The following KCTD17 variants were observed in gnomAD, a reference collection of about 807,000 sequenced individuals.
KCTD17 encodes BTB/POZ domain-containing protein KCTD17.
A neutral mutation model predicts 41.5 loss-of-function variants in KCTD17; 20 were observed. The observed-to-expected ratio is 0.48, with a 90% CI of 0.34 to 0.70. The LOEUF is 0.70. KCTD17 is among the 30% of genes least tolerant of loss of function. The pLI is 0.01. For missense variants in KCTD17, 317 were observed against 427.2 expected, an observed-to-expected ratio of 0.74 and a Z score of 2.27; for synonymous variants, 156 against 173.8, an observed-to-expected ratio of 0.90 and a Z score of 0.80.
chr22:37,054,996 G>T (rs548953415), intron 2 of KCTD17: 8 of 152,206 alleles, frequency 5.3e-5, no homozygotes, highest in African/African-American at 1.4e-4. Context: ...ACCCGAGATC[G>T]GGGCACTGTG....
At chr22:37,062,057 C>G in intron 8 of KCTD17, 3 of 982,446 alleles carry the variant, frequency 3.1e-6, no homozygotes, top group Non-Finnish European at 3.6e-6. Flanking sequence ...GCCCCCTATC[C>G]CACTCTTTTC....
At chr22:37,052,952 A>C (rs1466190904) in intron 1 of KCTD17, 148 bp from the exon 2 acceptor site, 2 of 639,416 alleles carry the variant, frequency 3.1e-6, no homozygotes, top group African/African-American at 3.6e-5. Flanking sequence ...ACTCAGGTCC[A>C]TCTGACCCCA....
intron 1 of KCTD17, among the ~76,000 whole-genome samples, chr22:37,052,835 C>T (rs961093428): frequency 2.6e-5 from 4 of 152,178 alleles, no homozygotes; most frequent in Non-Finnish European, 4.4e-5. Flanking sequence ...ATCCTCTCAC[C>T]GGATGCTCAC....
At chr22:37,058,755 CTT>C (rs1925434504) in intron 4 of KCTD17, among the ~76,000 whole-genome samples, 1 of 152,248 alleles carries the variant, frequency 6.6e-6, no homozygotes, top group African/African-American at 2.4e-5. Flanking sequence ...CTCTGGGTGT[CTT>C]TGGCAATTGC....
chr22:37,061,687 G>A lies in KCTD17; in HGVS notation c.875+58G>A, dbSNP rs2145999231. ...GGAGCGAGGAGGGTGCTCATCTCTT[G>A]ATCCTTGGACTTGAGCCGAGCTTTC... On this transcript the variant is annotated intron_variant, in intron 8 of 8. Transcript: ENST00000403888. This position sits in a 1 kb window ranked among gnomAD's most constrained non-coding sequence, Gnocchi z 6.6. The A allele has an allele frequency of 6.5e-7, 1 of 1,534,872 alleles. No homozygotes were observed. The highest frequency in any genetic ancestry group is 8.7e-7 in the Non-Finnish European group (1 of 1,143,442).
At chr22:37,052,297 G>A (rs939554510) in intron 1 of KCTD17, 1 of 371,276 alleles carries the variant, frequency 2.7e-6, no homozygotes, top group Non-Finnish European at 5.2e-6. Context: ...AGTCGACGAG[G>A]CTACTTCTCC....
chr22:37,059,663 G>A (rs113606358), intron 5 of KCTD17: 53 of 609,320 alleles, frequency 8.7e-5, no homozygotes, highest in Non-Finnish European at 1.2e-4. Flanking sequence ...TGCAGCCGGC[G>A]TGGACTCAGA....
At chr22:37,052,325 G>C in intron 1 of KCTD17, 1 of 357,896 alleles carries the variant, frequency 2.8e-6, no homozygotes, top group South Asian at 2.1e-5. Context: ...TGGGATGTGG[G>C]TGGCGGAGGG....
At position 37,063,088 on chromosome 22, in the gene KCTD17, T is replaced by G. The variant is rs1925979881; in HGVS notation, c.*494T>G. The stretch of plus-strand genomic sequence containing the variant: ...TAACACTGTGTTTGCAAATGGAGAT[T>G]CAGGTATTGGGGATGCAGGTTGTGG... On this transcript the variant is annotated 3_prime_UTR_variant, in exon 9 of 9. Transcript: ENST00000403888. The surrounding 1 kb of genome is among the most constrained non-coding windows in gnomAD (Gnocchi z 4.6). 6.4e-6 allele frequency: 1 copy of G among 155,160 alleles called. No individual in the cohort carries two copies. The highest frequency in any genetic ancestry group is 2.0e-4 in the South Asian group (1 of 4,966). The allele number at this position is 155,160 out of a possible 1,614,324, so 9.6% of individuals were successfully genotyped here. A position where few individuals can be genotyped will look rare whatever the true frequency, so the allele number is the denominator to read the frequency against.
chr22:37,060,998 C>G (rs1434307318), intron 6 of KCTD17, 76 bp downstream of exon 6: 2 of 1,544,858 alleles, frequency 1.3e-6, no homozygotes, highest in Non-Finnish European at 1.8e-6. Flanking sequence ...GAGCCAGCTG[C>G]AGAACCGGGG....
At chr22:37,056,645 T>C (rs1925154050) in intron 3 of KCTD17, among the ~76,000 whole-genome samples, 1 of 152,126 alleles carries the variant, frequency 6.6e-6, no homozygotes, top group African/African-American at 2.4e-5. Flanking sequence ...ATTTGCTGTG[T>C]GTTGGGCCAG....
chr22:37,062,749 T>TGG lies in KCTD17; in HGVS notation c.*157_*158dup. On this transcript the variant is annotated 3_prime_UTR_variant, in exon 9 of 9. Coordinates refer to ENST00000403888, the MANE Select transcript of KCTD17 (RefSeq NM_001282684.2). ...CCCTGGGACCTCTTAAGGCCCAAGG[T>TGG]GGGCCCCAGGACCTCTGGGCAGAGT... 6.9e-7 allele frequency: 1 copy of TGG among 1,450,080 alleles called. No homozygotes were observed. Among genetic ancestry groups the TGG allele is most frequent in the East Asian group, 2.5e-5 (1 of 40,198 alleles). 89.8% of individuals were successfully genotyped at this position (1,450,080 alleles called of 1,614,324 possible).
chr22:37,059,570 T>C, intron 5 of KCTD17, 132 bp downstream of exon 5: 3 of 1,081,422 alleles, frequency 2.8e-6, no homozygotes, highest in Non-Finnish European at 4.0e-6. Context: ...AACCCCATGC[T>C]CACAGCCACC....
chr22:37,061,779 G>A lies in KCTD17; in HGVS notation c.875+150G>A, dbSNP rs926516687. ...GGCCTTGGGGGTGAGGCTCTGAGAG[G>A]AGAAGAAAGTTAGGGAGTGGGAACT... On this transcript the variant is annotated intron_variant, in intron 8 of 8. Coordinates refer to ENST00000403888, the MANE Select transcript of KCTD17 (RefSeq NM_001282684.2). The surrounding 1 kb of genome is among the most constrained non-coding windows in gnomAD (Gnocchi z 6.6). 2.8e-6 allele frequency: 4 copies of A among 1,432,372 alleles called. No homozygotes were observed. The African/African-American group carries it at 4.3e-5, about 15-fold the overall frequency. 88.7% of individuals were successfully genotyped at this position (1,432,372 alleles called of 1,614,324 possible).
At chr22:37,054,915 T>A (rs1438957796) in intron 2 of KCTD17, 1 of 152,210 alleles carries the variant, frequency 6.6e-6, no homozygotes, top group African/African-American at 2.4e-5. Context: ...CAGGCTGCAA[T>A]CATGAAGTAA....
chr22:37,052,130 T>G, intron 1 of KCTD17, 181 bp downstream of exon 1: 408 of 759,988 alleles, frequency 5.4e-4, no homozygotes, highest in Middle Eastern at 1.4e-3. Flanking sequence ...GTGAGGGATG[T>G]ACCCATTGCC....
Position 37,062,965 on chromosome 22 carries a change from C to A in KCTD17, c.*371C>A. The A allele has an allele frequency of 3.7e-6, 1 of 266,932 alleles. No individual in the cohort carries two copies. Among genetic ancestry groups the A allele is most frequent in the Non-Finnish European group, 7.2e-6 (1 of 139,532 alleles). The allele number at this position is 266,932 out of a possible 1,614,324, so 16.5% of individuals were successfully genotyped here. A position where few individuals can be genotyped will look rare whatever the true frequency, so the allele number is the denominator to read the frequency against. On this transcript the variant is annotated 3_prime_UTR_variant, in exon 9 of 9. Transcript: ENST00000403888. ...CTCACAGGGTTGTTGTGAGGGTGCA[C>A]AGAGGAGCAAAGTCCCTGAAGGCCC... is the stretch of plus-strand genomic sequence containing the variant.
At chr22:37,060,736 C>G (rs552962950) in intron 5 of KCTD17, 87 bp from the exon 6 acceptor site, 1 of 1,424,678 alleles carries the variant, frequency 7.0e-7, no homozygotes, top group South Asian at 1.6e-5. Flanking sequence ...TTGCCTGAGA[C>G]CGGGTCTTTG....
In KCTD17 at chr22:37,053,732, G is replaced by T. The variant is rs776692919; in HGVS notation, c.298+524G>T. Among the ~76,000 whole-genome samples, 1 of 152,142 alleles carries T rather than the reference G, an allele frequency of 6.6e-6. No homozygotes were observed. The highest frequency in any genetic ancestry group is 1.5e-5 in the Non-Finnish European group (1 of 68,020). ...GCTGGCTGTGGGTGGAGGCAGGAGA[G>T]GGGGGAGTCTGCTTCCCAGTGGGGC... On this transcript the variant is annotated intron_variant, in intron 2 of 8. Coordinates refer to ENST00000403888, the MANE Select transcript of KCTD17 (RefSeq NM_001282684.2). The surrounding 1 kb of genome is among the most constrained non-coding windows in gnomAD (Gnocchi z 4.1).
Sources: allele counts gnomAD v4.1 joint callset (sites outside exome capture counted in the v4.1 genomes callset), GRCh38; gene constraint gnomAD v4.1.1; non-coding constraint Gnocchi (gnomAD v3.1); transcripts MANE v1.5; gene names NCBI Gene and HGNC (gene_info 2026-07-23, HGNC 2026-07-21).